The following LMCD1 variants were observed in gnomAD, a reference collection of about 807,000 sequenced individuals.
The protein encoded by LMCD1 is LIM and cysteine rich domains 1, also known as LIM and cysteine-rich domains protein 1.
LMCD1 carries 32 observed loss-of-function variants against 42.7 expected under a neutral mutation model. That is an observed-to-expected ratio of 0.75 (90% CI 0.57 to 1.01). The LOEUF (loss-of-function observed/expected upper bound fraction) is 1.01. Among genes scored for constraint, LMCD1 ranks in the 50% least tolerant of loss-of-function variants. LMCD1 has a pLI of 0.00. For missense variants in LMCD1, 458 were observed against 483.1 expected (o/e 0.95, Z 0.49); for synonymous variants, 178 against 184.9 (o/e 0.96, Z 0.30).
chr3:8,530,703 G>A (rs1312671986), intron 1 of LMCD1, among the ~76,000 whole-genome samples: 1 of 152,218 alleles, frequency 6.6e-6, no homozygotes, highest in African/African-American at 2.4e-5. Flanking sequence ...CCAATATTAA[G>A]TGTGTAAGGA....
At chr3:8,506,755 C>T (rs919959361) in intron 1 of LMCD1, among the ~76,000 whole-genome samples, 1 of 152,140 alleles carries the variant, frequency 6.6e-6, no homozygotes, top group East Asian at 1.9e-4. Flanking sequence ...CTGGCAGGGG[C>T]GTGAGTCATT....
intron 3 of LMCD1, among the ~76,000 whole-genome samples, chr3:8,538,194 G>A (rs1311959036): frequency 6.6e-6 from 1 of 152,150 alleles, no homozygotes; most frequent in Non-Finnish European, 1.5e-5. Context: ...CAATGCACCA[G>A]ATCAGGGCTC....
At chr3:8,512,341 C>T (rs1320159485) in intron 1 of LMCD1, among the ~76,000 whole-genome samples, 1 of 152,220 alleles carries the variant, frequency 6.6e-6, no homozygotes, top group African/African-American at 2.4e-5. Context: ...TATTCTAGAG[C>T]AGGCGATGCA....
chr3:8,503,214 A>G lies in LMCD1; in HGVS notation c.42+1234A>G, dbSNP rs57064277. Among the ~76,000 whole-genome samples the G allele has an allele frequency of 4.1e-3, 624 of 152,308 alleles. 3 individuals carry two copies. The highest frequency in any genetic ancestry group is 0.015 in the African/African-American group (608 of 41,562). Reference sequence around the variant, plus strand: ...ACCTGCAGGGTAGAATGAGAGGGGGAAAAACAAAAGACGTGAGAATCAAAC... The same window carrying G: ...ACCTGCAGGGTAGAATGAGAGGGGGGAAAACAAAAGACGTGAGAATCAAAC... On this transcript the variant is annotated intron_variant, in intron 1 of 5. Transcript: ENST00000157600.
intron 1 of LMCD1, 44 bp downstream of exon 1, chr3:8,502,024 C>G: frequency 1.4e-6 from 2 of 1,413,980 alleles, no homozygotes; most frequent in Non-Finnish European, 1.8e-6. Flanking sequence ...CTTACTTTTT[C>G]TTGTTCCCCT....
intron 4 of LMCD1, among the ~76,000 whole-genome samples, chr3:8,563,608 G>T (rs547477530): frequency 1.3e-3 from 191 of 152,308 alleles, no homozygotes; most frequent in African/African-American, 4.4e-3. Flanking sequence ...CCTTTTGGGG[G>T]ATCTGCCAAA....
intron 1 of LMCD1, among the ~76,000 whole-genome samples, chr3:8,528,601 T>C (rs1694345404): frequency 6.6e-6 from 1 of 152,204 alleles, no homozygotes; most frequent in African/African-American, 2.4e-5. Context: ...GATAATTCAT[T>C]TTTCAGAGGA....
At chr3:8,508,615 A>T (rs1184196874) in intron 1 of LMCD1, among the ~76,000 whole-genome samples, 1 of 152,200 alleles carries the variant, frequency 6.6e-6, no homozygotes, top group Non-Finnish European at 1.5e-5. Flanking sequence ...TCATGTCACA[A>T]ATGGGACAGG....
At chr3:8,557,391 T>C (rs1178157307) in intron 4 of LMCD1, among the ~76,000 whole-genome samples, 2 of 152,214 alleles carry the variant, frequency 1.3e-5, no homozygotes, top group Non-Finnish European at 2.9e-5. Flanking sequence ...AAGGCCCTTG[T>C]GTTAATATTT....
chr3:8,510,226 A>G (rs1219542023), intron 1 of LMCD1, among the ~76,000 whole-genome samples: 4 of 152,144 alleles, frequency 2.6e-5, no homozygotes, highest in Non-Finnish European at 5.9e-5. Context: ...GGTGAAGGCA[A>G]AGTAGATCCC....
intron 4 of LMCD1, among the ~76,000 whole-genome samples, chr3:8,555,018 AGAG>A (rs1169422334): frequency 6.6e-6 from 1 of 152,152 alleles, no homozygotes; most frequent in African/African-American, 2.4e-5. Flanking sequence ...AGCAAACTTA[AGAG>A]GAGGACAGCC....
Position 8,502,520 on chromosome 3 carries a change from C to G in LMCD1, c.42+540C>G, listed in dbSNP as rs564986060. The stretch of plus-strand genomic sequence containing the variant: ...GGGTTGAGAGCATGTAATATTTACT[C>G]ACAGTCTCCCTTTTGCTATTATCCC... On this transcript the variant is annotated intron_variant, in intron 1 of 5. Transcript: ENST00000157600. Among the ~76,000 whole-genome samples the G allele has an allele frequency of 2.1e-5, 3 of 142,868 alleles. 1 individual carries two copies. The Admixed American group carries it at 2.3e-4, about 11-fold the overall frequency. The allele number at this position is 142,868 out of a possible 152,430, so 93.7% of individuals were successfully genotyped here.
intron 1 of LMCD1, among the ~76,000 whole-genome samples, chr3:8,516,954 C>T (rs1044521455): frequency 4.6e-5 from 7 of 152,224 alleles, no homozygotes; most frequent in Admixed American, 6.5e-5. Context: ...TTACCAAGCA[C>T]AGGCCAGGTG....
chr3:8,522,199 T>C (rs988141079), intron 1 of LMCD1, among the ~76,000 whole-genome samples: 3 of 152,192 alleles, frequency 2.0e-5, no homozygotes, highest in African/African-American at 7.2e-5. Context: ...ATAGCCAGAT[T>C]AACCCCTTTT....
intron 4 of LMCD1, chr3:8,550,319 T>G (rs1249388609): frequency 3.0e-6 from 3 of 997,394 alleles, no homozygotes; most frequent in South Asian, 8.9e-5. Context: ...GGCAATTAAC[T>G]TTTGGAGATA....
At chr3:8,508,063 T>A (rs1693918580) in intron 1 of LMCD1, among the ~76,000 whole-genome samples, 1 of 152,214 alleles carries the variant, frequency 6.6e-6, no homozygotes, top group Non-Finnish European at 1.5e-5. Flanking sequence ...GGGTATAGAA[T>A]AAAGACTTTC....
chr3:8,516,159 G>A (rs538097944), intron 1 of LMCD1, among the ~76,000 whole-genome samples: 5 of 151,962 alleles, frequency 3.3e-5, no homozygotes, highest in African/African-American at 7.3e-5. Flanking sequence ...TCTGAACCTC[G>A]AGGCCCTCTC....
intron 4 of LMCD1, among the ~76,000 whole-genome samples, chr3:8,552,812 C>T (rs948753898): frequency 6.6e-6 from 1 of 152,170 alleles, no homozygotes; most frequent in Non-Finnish European, 1.5e-5. Context: ...CAAGCTCCGC[C>T]TCCGAGGTTC....
chr3:8,502,337 T>TTA (rs1693759098), intron 1 of LMCD1, among the ~76,000 whole-genome samples: 1 of 27,950 alleles, frequency 3.6e-5, no homozygotes, highest in Admixed American at 8.3e-4. Context: ...ATAATATATA[T>TTA]TATATATAAA....
Sources: allele counts gnomAD v4.1 joint callset (sites outside exome capture counted in the v4.1 genomes callset), GRCh38; gene constraint gnomAD v4.1.1; transcripts MANE v1.5; gene names NCBI Gene and HGNC (gene_info 2026-07-23, HGNC 2026-07-21).